Variants in SPG11 observed in about 807,000 individuals in gnomAD.
The protein encoded by SPG11 is spatacsin.
Under a neutral mutation model 274.0 loss-of-function variants are expected in SPG11, and 222 were observed. That is an observed-to-expected ratio of 0.81 (90% confidence interval 0.73 to 0.91). SPG11 has a LOEUF of 0.91. SPG11 is among the 40% of genes least tolerant of loss of function. SPG11 has a pLI of 0.00. For synonymous variants in SPG11, 1,144 were observed against 1,039.7 expected, an observed-to-expected ratio of 1.10 and a Z score of -1.93; for missense variants, 3,114 against 2,872.7, an observed-to-expected ratio of 1.08 and a Z score of -1.92.
At chr15:44,597,019 G>T in intron 23 of SPG11, 76 bp from the exon 24 acceptor site, 1 of 1,387,464 alleles carries the variant, frequency 7.2e-7, no homozygotes, top group Non-Finnish European at 1.0e-6. Context: ...AGCTTGAACT[G>T]GAAAATGAGT....
chr15:44,633,380 A>AAAAAATTT (rs2084137814), intron 8 of SPG11, 125 bp downstream of exon 8: 1 of 441,880 alleles, frequency 2.3e-6, no homozygotes, highest in African/African-American at 2.1e-5. Context: ...TCCAAAAAGT[A>AAAAAATTT]CGTAAAATCC....
At chr15:44,593,688 T>G (rs2082958573) in intron 26 of SPG11, among the ~76,000 whole-genome samples, 1 of 152,112 alleles carries the variant, frequency 6.6e-6, no homozygotes, top group Non-Finnish European at 1.5e-5. Context: ...CTTGGATAAG[T>G]TACTTAAGTT....
Position 44,663,375 on chromosome 15 carries a change from C to T in SPG11, c.257+16G>A, listed in dbSNP as rs1322015947. The stretch of plus-strand genomic sequence containing the variant: ...TCTGGACTCCCCCAACGGCCCAACT[C>T]TCCCTCAGCACTTACTGCCAGAAGG... On this transcript the variant is annotated intron_variant, in intron 1 of 39. Transcript: ENST00000261866. The T allele has an allele frequency of 3.1e-6, 5 of 1,604,430 alleles. 1 individual carries two copies. In the South Asian group the frequency reaches 4.5e-5, roughly 14 times the overall value.
chr15:44,597,664 G>A (rs1487099806), intron 23 of SPG11, among the ~76,000 whole-genome samples: 1 of 152,180 alleles, frequency 6.6e-6, no homozygotes, highest in Non-Finnish European at 1.5e-5. Flanking sequence ...TGTTCCTGCT[G>A]CAAGCAGGAT....
intron 28 of SPG11, 137 bp from the exon 29 acceptor site, chr15:44,585,987 T>TG (rs1271880852): frequency 1.8e-5 from 11 of 598,292 alleles, no homozygotes; most frequent in Non-Finnish European, 2.7e-6. Flanking sequence ...AAAGCTGTTT[T>TG]TTTTTTTTTT....
At chr15:44,654,132 T>C (rs1418429718) in intron 4 of SPG11, among the ~76,000 whole-genome samples, 4 of 152,150 alleles carry the variant, frequency 2.6e-5, no homozygotes, top group Non-Finnish European at 2.9e-5. Flanking sequence ...CCTAGAAATA[T>C]TTTTTAAAAT....
intron 29 of SPG11, 69 bp from the exon 30 acceptor site, chr15:44,584,627 C>A: frequency 6.4e-7 from 1 of 1,554,582 alleles, no homozygotes; most frequent in South Asian, 1.1e-5. Flanking sequence ...CTAATGTTCC[C>A]TAAGTATATC....
In SPG11 at chr15:44,658,072, C is replaced by T. The variant is rs545386635; in HGVS notation, c.668-776G>A. Among the ~76,000 whole-genome samples, 3 of 152,298 alleles carry T rather than the reference C, an allele frequency of 2.0e-5. 1 individual carries two copies. The East Asian group carries it at 5.8e-4, about 29-fold the overall frequency. ...TACACAAAATTAAAAATTCGGTTCC[C>T]AAGTTATGCTAGCCAATTTCATATG... On this transcript the variant is annotated intron_variant, in intron 3 of 39. Coordinates refer to ENST00000261866, the MANE Select transcript of SPG11 (RefSeq NM_025137.4).
Position 44,598,719 on chromosome 15 carries a change from G to A in SPG11, c.3804C>T (p.Leu1268=). 1.2e-6 allele frequency: 2 copies of A among 1,614,144 alleles called. No homozygotes were observed. Among genetic ancestry groups the A allele is most frequent in the Non-Finnish European group, 1.7e-6 (2 of 1,180,034 alleles). The part of the protein sequence containing the change: ...LELLGLDSLK[L]RVDMKVANII... Reference sequence around the variant, plus strand: ...TATTGGCCACTTTCATATCAACTCTGAGCTTGAGGCTGTCAAGGCCAAGCA... The same window carrying A: ...TATTGGCCACTTTCATATCAACTCTAAGCTTGAGGCTGTCAAGGCCAAGCA... The change falls in exon 22 of 40, where the codon CTC becomes CTT. Residue 1268 remains leucine (L), a synonymous_variant. Coordinates refer to ENST00000261866, the MANE Select transcript of SPG11 (RefSeq NM_025137.4).
intron 7 of SPG11, among the ~76,000 whole-genome samples, chr15:44,634,986 C>T (rs750902305): frequency 6.6e-6 from 1 of 151,296 alleles, no homozygotes; most frequent in Non-Finnish European, 1.5e-5. Flanking sequence ...GAGGTCGAGG[C>T]AGGTGGATCA....
chr15:44,596,139 C>T lies in SPG11; in HGVS notation c.4378G>A (p.Val1460Ile), dbSNP rs765071316. 1.5e-5 allele frequency: 25 copies of T among 1,613,990 alleles called. No homozygotes were observed. The highest frequency in any genetic ancestry group is 2.1e-5 in the Non-Finnish European group (25 of 1,180,038). The change falls in exon 25 of 40, where the codon GTT becomes ATT. Residue 1460 changes from valine to isoleucine, a missense_variant. Transcript: ENST00000261866. ...GGGGCCTGTTGTTTCACTGCTTCAACCAGAAGCCAGTGCCAGGAGTCTGGC... is the reference window on the plus strand; with the variant it reads ...GGGGCCTGTTGTTTCACTGCTTCAATCAGAAGCCAGTGCCAGGAGTCTGGC... ...EEPDSWHWLLVEAVKQQAPIL... is the reference protein window; with the variant it reads ...EEPDSWHWLLIEAVKQQAPIL...
chr15:44,633,702 G>C, intron 7 of SPG11, 65 bp from the exon 8 acceptor site: 2 of 1,533,694 alleles, frequency 1.3e-6, no homozygotes, highest in Non-Finnish European at 1.8e-6. Flanking sequence ...TCAGGATTCA[G>C]ATTTTTAAAC....
At chr15:44,657,380 T>A in intron 3 of SPG11, 84 bp from the exon 4 acceptor site, 1 of 1,259,976 alleles carries the variant, frequency 7.9e-7, no homozygotes, top group Non-Finnish European at 1.1e-6. Context: ...AGCTATAGAC[T>A]TTATCACTCC....
At chr15:44,596,038 CT>C in intron 25 of SPG11, 44 bp downstream of exon 25, 1 of 1,610,044 alleles carries the variant, frequency 6.2e-7, no homozygotes, top group Non-Finnish European at 8.5e-7. Context: ...ATTACTTATT[CT>C]ATTGTTCTCT....
rs375915115 is a variant in SPG11, at chr15:44,657,269, T to C, written c.695A>G (p.Tyr232Cys). The change falls in exon 4 of 40, where the codon TAT becomes TGT. Residue 232 changes from tyrosine to cysteine, a missense_variant. Coordinates refer to ENST00000261866, the MANE Select transcript of SPG11 (RefSeq NM_025137.4). Reference protein sequence around the residue: ...IYIFDVVDGTYVAHVDLALHK... With the variant: ...IYIFDVVDGTCVAHVDLALHK... Reference sequence around the variant, plus strand: ...AAGTGCTAAATCCACATGAGCTACATATGTACCATCCACAACATCAAAAAT... The same window carrying C: ...AAGTGCTAAATCCACATGAGCTACACATGTACCATCCACAACATCAAAAAT... 4 of 1,614,120 alleles carry C rather than the reference T, an allele frequency of 2.5e-6. No individual in the cohort carries two copies. Among genetic ancestry groups the C allele is most frequent in the African/African-American group, 2.7e-5 (2 of 74,946 alleles).
intron 17 of SPG11, 106 bp from the exon 18 acceptor site, chr15:44,611,091 T>TAAAAAAAAAAAAAAAAAAA (rs35831490): frequency 1.1e-4 from 8 of 70,098 alleles, no homozygotes; most frequent in African/African-American, 3.4e-4. Context: ...CTATCCCCAG[T>TAAAAAAAAAAAAAAAAAAA]AAAAAAAAAA....
intron 6 of SPG11, among the ~76,000 whole-genome samples, chr15:44,650,321 C>T (rs1349618511): frequency 6.6e-6 from 1 of 152,050 alleles, no homozygotes; most frequent in Non-Finnish European, 1.5e-5. Context: ...GAGTTTGAGA[C>T]CAGCCTGGGC....
intron 28 of SPG11, among the ~76,000 whole-genome samples, chr15:44,587,718 A>AAAAAAAAAAAAAAAAAAAC (rs1567141736): frequency 1.3e-4 from 19 of 148,728 alleles, no homozygotes; most frequent in African/African-American, 4.6e-4. Context: ...AAAAAAAAAA[A>AAAAAAAAAAAAAAAAAAAC]AACGTATTCC....
rs117943671 is a variant in SPG11, at chr15:44,637,286, C to G, written c.1603-3649G>C. 3.9e-3 allele frequency among the ~76,000 whole-genome samples: 594 copies of G among 152,126 alleles called. 19 individuals are homozygous for G. Among genetic ancestry groups the G allele is most frequent in the East Asian group, 0.037 (192 of 5,170 alleles). Reference sequence around the variant, plus strand: ...GTCTAACTACTTCTGATTGAAAGACCAATGTGACAAATGGAAGATACATTT... The same window carrying G: ...GTCTAACTACTTCTGATTGAAAGACGAATGTGACAAATGGAAGATACATTT... On this transcript the variant is annotated intron_variant, in intron 7 of 39. Transcript: ENST00000261866.
Sources: gnomAD v4.1 joint callset for allele counts (sites outside exome capture counted in the v4.1 genomes callset) on GRCh38, gnomAD v4.1.1 for gene constraint, MANE v1.5 for transcripts, NCBI Gene and HGNC (gene_info 2026-07-23, HGNC 2026-07-21) for gene names.